DNAH2: variants seen among roughly 807,000 people sequenced by gnomAD.
The protein encoded by DNAH2 is dynein axonemal heavy chain 2, also known as axonemal beta dynein heavy chain 2.
In DNAH2, 323 loss-of-function variants were observed where a neutral mutation model predicts 523.5. The ratio of observed to expected loss-of-function variants is 0.62; its 90% CI spans 0.56 to 0.68. The LOEUF (loss-of-function observed/expected upper bound fraction) is 0.68. Among genes scored for constraint, DNAH2 ranks in the 30% least tolerant of loss-of-function variants. The probability of loss-of-function intolerance (pLI) is 0.00; values close to 1 mark genes in which losing one functional copy is unlikely to be tolerated. For synonymous variants in DNAH2, 2,093 were observed against 2,177.4 expected (o/e 0.96, Z 1.08); for missense variants, 4,907 against 5,701.5 (o/e 0.86, Z 4.49).
chr17:7,770,445 C>T (rs752147726), intron 25 of DNAH2, 37 bp downstream of exon 25: 18 of 1,611,492 alleles, frequency 1.1e-5, no homozygotes, highest in South Asian at 8.8e-5. Context: ...ACACCTCCTG[C>T]GCCTCCTGGA....
intron 44 of DNAH2, among the ~76,000 whole-genome samples, chr17:7,790,782 C>A (rs1285201257): frequency 6.6e-6 from 1 of 151,766 alleles, no homozygotes; most frequent in Non-Finnish European, 1.5e-5. Flanking sequence ...TCAGGGCTCA[C>A]TGCAGCCTCA....
chr17:7,788,257 C>T lies in DNAH2; in HGVS notation c.6900+13C>T. 1 of 1,562,064 alleles carries T rather than the reference C, an allele frequency of 6.4e-7. No individual in the cohort carries two copies. Among genetic ancestry groups the T allele is most frequent in the Non-Finnish European group, 8.7e-7 (1 of 1,151,614 alleles). The stretch of plus-strand genomic sequence containing the variant: ...GCCAGAGAATGGGGTAAGGGGAGGA[C>T]ACAGACCACGGGCAGGGGCAGGGGG... On this transcript the variant is annotated intron_variant, in intron 44 of 85. Transcript: ENST00000572933.
chr17:7,830,319 C>T lies in DNAH2; in HGVS notation c.11873C>T (p.Thr3958Ile). The stretch of plus-strand genomic sequence containing the variant: ...CCCCAGGGCCTAAAGGCCAACATGA[C>T]ACGTCTTTACCAACTGATGTCAGAA... ...EPPKGLKANMTRLYQLMSEPQ... is the reference protein window; with the variant it reads ...EPPKGLKANMIRLYQLMSEPQ... The change falls in exon 78 of 86, where the codon ACA becomes ATA. Residue 3958 changes from threonine (T) to isoleucine (I), a missense_variant. Physicochemically the swap from Thr to Ile is moderately conservative, Grantham distance 89 (BLOSUM62 -1). Around this residue, in one of 3 missense-constraint regions of DNAH2, gnomAD observed 1,851 missense variants for 2,139.4 expected, o/e 0.87. Coordinates refer to ENST00000572933, the MANE Select transcript of DNAH2 (RefSeq NM_020877.5). 6.2e-7 allele frequency: 1 copy of T among 1,614,110 alleles called. No homozygotes were observed.
chr17:7,799,161 G>A lies in DNAH2; in HGVS notation c.8618G>A (p.Ser2873Asn), dbSNP rs748534936. 2 of 1,614,208 alleles carry A rather than the reference G, an allele frequency of 1.2e-6. No individual in the cohort carries two copies. Among genetic ancestry groups the A allele is most frequent in the Middle Eastern group, 1.6e-4 (1 of 6,062 alleles). The change falls in exon 56 of 86, where the codon AGC (serine) becomes AAC (asparagine). Residue 2873 changes from serine to asparagine, a missense_variant. Around this residue, in one of 3 missense-constraint regions of DNAH2, gnomAD observed 1,851 missense variants for 2,139.4 expected, o/e 0.87. Transcript: ENST00000572933. Reference sequence around the variant, plus strand: ...GAGCAGGTGCCTGAGTCATCGGACAGCCTCTTCGCCTACCTCATTGAACGC... The same window carrying A: ...GAGCAGGTGCCTGAGTCATCGGACAACCTCTTCGCCTACCTCATTGAACGC... ...RVEQVPESSD[S>N]LFAYLIERVQ...
At chr17:7,792,158 TCTCTTTC>T (rs2076915836) in intron 45 of DNAH2, 87 bp from the exon 46 acceptor site, 3 of 1,600,240 alleles carry the variant, frequency 1.9e-6, no homozygotes, top group Admixed American at 1.7e-5. Context: ...GGTTTCCCTC[TCTCTTTC>T]TTCCACCCGG....
rs373696965 is a variant in DNAH2, at chr17:7,774,708, G to A, written c.4502-51G>A. The A allele has an allele frequency of 2.5e-5, 38 of 1,547,030 alleles. No individual in the cohort carries two copies. The East Asian group carries it at 4.5e-4, about 18-fold the overall frequency. On this transcript the variant is annotated intron_variant, in intron 28 of 85. Transcript: ENST00000572933. ...ACACAGAGTTGGGGCATCCAGATCC[G>A]CCCAGGGCAGTGGAAATGAATCAAA...
At chr17:7,785,991 A>G in intron 39 of DNAH2, 133 bp from the exon 40 acceptor site, 1 of 860,498 alleles carries the variant, frequency 1.2e-6, no homozygotes, top group Non-Finnish European at 1.8e-6. Flanking sequence ...GAGTGAACAG[A>G]GCCGGAGTGC....
At chr17:7,829,303 C>T (rs772435645) in intron 77 of DNAH2, among the ~76,000 whole-genome samples, 22 of 152,182 alleles carry the variant, frequency 1.4e-4, no homozygotes, top group African/African-American at 3.9e-4. Flanking sequence ...TGAGCCAGCG[C>T]GCCTGGCCAC....
chr17:7,764,023 C>T lies in DNAH2; in HGVS notation c.3171C>T (p.Asn1057=), dbSNP rs530841104. The change falls in exon 19 of 86, where the codon AAC becomes AAT. Residue 1057 remains asparagine, a synonymous_variant. Coordinates refer to ENST00000572933, the MANE Select transcript of DNAH2 (RefSeq NM_020877.5). ...AGCTGCACACCTACCTGAAGGAGAA[C>T]GCAGAGAAGTGCGGGCTGGGGCGCC... ...LLELHTYLKE[N]AEKISRPPQT... is the part of the protein sequence containing the mutation. 9.9e-6 allele frequency: 16 copies of T among 1,614,126 alleles called. No homozygotes were observed. The highest frequency in any genetic ancestry group is 5.5e-5 in the South Asian group (5 of 91,084).
chr17:7,781,734 G>T (rs1032230987), intron 39 of DNAH2, among the ~76,000 whole-genome samples: 2 of 152,184 alleles, frequency 1.3e-5, no homozygotes, highest in African/African-American at 4.8e-5. Flanking sequence ...ATGCAGCAAC[G>T]CTCTGACTTC....
chr17:7,753,859 A>G (rs914347285), intron 12 of DNAH2, among the ~76,000 whole-genome samples: 1 of 152,122 alleles, frequency 6.6e-6, no homozygotes, highest in African/African-American at 2.4e-5. Context: ...GAGGCAGGAG[A>G]ATCACTTAAA....
intron 63 of DNAH2, among the ~76,000 whole-genome samples, chr17:7,811,171 T>G (rs2077506802): frequency 6.6e-6 from 1 of 152,230 alleles, no homozygotes; most frequent in Non-Finnish European, 1.5e-5. Flanking sequence ...GCATTCCAAA[T>G]TATGTCTAGT....
rs1387938289 is a variant in DNAH2, at chr17:7,737,171, C to T, written c.1083C>T (p.Leu361=). ...FMKPKDISSK[L]PKLISLIRII... is the part of the protein sequence containing the mutation. ...AGCCCAAGGACATCTCTAGCAAGCT[C>T]CCTAAGCTGATCAGTCTCATCCGCA... The change falls in exon 8 of 86, where the codon CTC becomes CTT. Residue 361 remains leucine, a synonymous_variant. Transcript: ENST00000572933. 6.2e-7 allele frequency: 1 copy of T among 1,614,122 alleles called. No individual in the cohort carries two copies. The highest frequency in any genetic ancestry group is 2.2e-5 in the East Asian group (1 of 44,888).
rs1389941954 is a variant in DNAH2 at position 7,807,372 on chromosome 17, T to G, written c.9612+53T>G. 1 of 1,597,670 alleles carries G rather than the reference T, an allele frequency of 6.3e-7. No individual in the cohort carries two copies. Among genetic ancestry groups the G allele is most frequent in the Non-Finnish European group, 8.5e-7 (1 of 1,173,932 alleles). On this transcript the variant is annotated intron_variant, in intron 62 of 85. Transcript: ENST00000572933. This position sits in a 1 kb window ranked among gnomAD's most constrained non-coding sequence, Gnocchi z 5.6. ...GGTAGGGAGGGCAGGCCTGGGGGAG[T>G]GCGGATGCACAGACCCAGGTGGAAG...
At chr17:7,782,687 C>T (rs937737553) in intron 39 of DNAH2, among the ~76,000 whole-genome samples, 1 of 151,990 alleles carries the variant, frequency 6.6e-6, no homozygotes, top group Non-Finnish European at 1.5e-5. Flanking sequence ...CTGATAGGGG[C>T]GAGGTGCGGT....
intron 12 of DNAH2, among the ~76,000 whole-genome samples, chr17:7,751,923 GTGTGT>G (rs1567640023): frequency 2.0e-5 from 3 of 149,990 alleles, no homozygotes; most frequent in Non-Finnish European, 3.0e-5. Flanking sequence ...GTTGTGGGGT[GTGTGT>G]GTGTGTGTGT....
chr17:7,830,564 A>C, intron 78 of DNAH2, 73 bp downstream of exon 78: 1 of 1,605,012 alleles, frequency 6.2e-7, no homozygotes, highest in Non-Finnish European at 8.5e-7. Context: ...CCCCTGTGGG[A>C]ATATCCGTGG....
At chr17:7,816,112 C>A (rs181020211) in intron 63 of DNAH2, among the ~76,000 whole-genome samples, 2 of 152,114 alleles carry the variant, frequency 1.3e-5, no homozygotes, top group East Asian at 1.9e-4. Context: ...CTCTTTGTCT[C>A]GAATGGACTC....
At chr17:7,742,848 A>G (rs2642160) in intron 11 of DNAH2, 80 bp from the exon 12 acceptor site, 724,346 of 998,124 alleles carry the variant, frequency 0.73, 268,011 homozygotes, top group East Asian at 1. Flanking sequence ...GCATGCGCGC[A>G]TGTGTAGGTC....
Sources: gnomAD v4.1 joint callset for allele counts (sites outside exome capture counted in the v4.1 genomes callset) on GRCh38, gnomAD v4.1.1 for gene constraint, gnomAD v4.1.1 regional missense constraint, Gnocchi (gnomAD v3.1) non-coding constraint, MANE v1.5 for transcripts, NCBI Gene and HGNC (gene_info 2026-07-23, HGNC 2026-07-21) for gene names.